The following DDC variants were observed in gnomAD, a reference collection of about 807,000 sequenced individuals.
DDC encodes the protein aromatic-L-amino-acid decarboxylase.
In DDC, 43 loss-of-function variants were observed where a neutral mutation model predicts 60.0. The ratio of observed to expected loss-of-function variants is 0.72; its 90% CI spans 0.56 to 0.92. DDC has a LOEUF of 0.92. DDC is among the 40% of genes least tolerant of loss of function. The pLI is 0.00. For missense variants in DDC, 573 were observed against 620.2 expected (o/e 0.92, Z 0.81); for synonymous variants, 232 against 234.6 (o/e 0.99, Z 0.10).
At chr7:50,466,493 G>GAAAAAAAA (rs57396757) in intron 13 of DDC, among the ~76,000 whole-genome samples, 1 of 64,082 alleles carries the variant, frequency 1.6e-5, no homozygotes, top group African/African-American at 4.5e-5. Context: ...TCTCCAAAAA[G>GAAAAAAAA]AAAAAAAAAA....
chr7:50,491,350 AT>A (rs148236338), intron 9 of DDC, among the ~76,000 whole-genome samples: 11,960 of 151,614 alleles, frequency 0.079, 621 homozygotes, highest in South Asian at 0.14. Context: ...TCCTCCACCT[AT>A]TTTTTTCCTT....
intron 6 of DDC, among the ~76,000 whole-genome samples, chr7:50,509,089 C>T (rs939181004): frequency 3.3e-5 from 5 of 152,064 alleles, no homozygotes; most frequent in Non-Finnish European, 5.9e-5. Flanking sequence ...CATCAAATGG[C>T]GTGGAGATGG....
At chr7:50,545,145 T>C (rs993273682) in intron 1 of DDC, among the ~76,000 whole-genome samples, 6 of 152,232 alleles carry the variant, frequency 3.9e-5, no homozygotes, top group African/African-American at 1.4e-4. Flanking sequence ...GTTTACATTA[T>C]GAGAGCTGAC....
chr7:50,519,441 T>C (rs538197701), intron 6 of DDC, among the ~76,000 whole-genome samples: 5 of 152,220 alleles, frequency 3.3e-5, no homozygotes, highest in Admixed American at 1.3e-4. Context: ...TACTTGCACA[T>C]GCATGTTTAA....
intron 5 of DDC, 98 bp downstream of exon 5, chr7:50,529,110 T>C (rs1158328488): frequency 6.6e-7 from 1 of 1,523,366 alleles, no homozygotes; most frequent in African/African-American, 1.4e-5. Flanking sequence ...GAACTGTTCT[T>C]AGATTTGGAA....
At chr7:50,489,131 A>G (rs73119245) in intron 9 of DDC, among the ~76,000 whole-genome samples, 14,434 of 152,070 alleles carry the variant, frequency 0.095, 1,059 homozygotes, top group South Asian at 0.12. Flanking sequence ...CTCAGCCTCC[A>G]GGATAGCTGG....
chr7:50,465,816 A>G (rs1011835675), intron 13 of DDC, among the ~76,000 whole-genome samples: 7 of 152,282 alleles, frequency 4.6e-5, no homozygotes, highest in African/African-American at 1.7e-4. Context: ...AATAAGCACG[A>G]TGCCAACACT....
chr7:50,474,525 C>T (rs1055481379), intron 11 of DDC, among the ~76,000 whole-genome samples: 7 of 152,080 alleles, frequency 4.6e-5, no homozygotes, highest in African/African-American at 1.4e-4. Context: ...GTCCTGCAGG[C>T]GGGTGCCAGT....
chr7:50,501,717 A>G (rs17133853), intron 7 of DDC, among the ~76,000 whole-genome samples: 18,210 of 152,190 alleles, frequency 0.12, 1,272 homozygotes, highest in African/African-American at 0.2. Flanking sequence ...AAAGTAGGTA[A>G]AAGGGTGCTG....
At chr7:50,509,186 G>A (rs1172032761) in intron 6 of DDC, among the ~76,000 whole-genome samples, 4 of 151,874 alleles carry the variant, frequency 2.6e-5, no homozygotes, top group East Asian at 1.9e-4. Flanking sequence ...GTACGGTGCC[G>A]GTGCATGGGG....
chr7:50,510,917 T>C (rs1225761344), intron 6 of DDC, among the ~76,000 whole-genome samples: 2 of 140,782 alleles, frequency 1.4e-5, no homozygotes, highest in East Asian at 2.1e-4. Context: ...GGAGGTGGAG[T>C]TTGCAGTGAG....
intron 10 of DDC, chr7:50,477,458 G>A (rs560361110): frequency 6.0e-5 from 27 of 447,926 alleles, no homozygotes; most frequent in Non-Finnish European, 1.0e-4. Context: ...CCCTACTTCC[G>A]CAGTCAACAG....
intron 6 of DDC, among the ~76,000 whole-genome samples, chr7:50,506,025 A>G (rs1026241433): frequency 6.6e-6 from 1 of 152,202 alleles, no homozygotes; most frequent in African/African-American, 2.4e-5. Context: ...TGGGGGAAAA[A>G]CAGCGGCAAG....
chr7:50,486,532 C>T (rs2042883159), intron 9 of DDC, among the ~76,000 whole-genome samples: 1 of 152,078 alleles, frequency 6.6e-6, no homozygotes, highest in Admixed American at 6.6e-5. Flanking sequence ...TGGTTTAAAT[C>T]CTTAGATATG....
chr7:50,534,625 T>C (rs1441816736), intron 4 of DDC, among the ~76,000 whole-genome samples: 1 of 142,658 alleles, frequency 7.0e-6, no homozygotes, highest in Admixed American at 6.9e-5. Context: ...AAAAAAAAAA[T>C]GAGAGGAACA....
chr7:50,539,790 A>G (rs1161195142), intron 3 of DDC, 125 bp downstream of exon 3: 1 of 724,460 alleles, frequency 1.4e-6, no homozygotes, highest in East Asian at 2.7e-5. Context: ...TCCCTGCAAC[A>G]GTAGCCCGTC....
At chr7:50,503,075 C>T (rs981923776) in intron 7 of DDC, among the ~76,000 whole-genome samples, 2 of 152,216 alleles carry the variant, frequency 1.3e-5, no homozygotes, top group African/African-American at 4.8e-5. Flanking sequence ...CTATGGGTGA[C>T]TCTTGGGTTA....
intron 11 of DDC, among the ~76,000 whole-genome samples, chr7:50,470,400 G>A (rs1227670187): frequency 6.6e-6 from 1 of 152,216 alleles, no homozygotes; most frequent in African/African-American, 2.4e-5. Context: ...GTTGACCTGG[G>A]AGCCAGTGAT....
intron 6 of DDC, among the ~76,000 whole-genome samples, chr7:50,510,668 C>CA (rs71018473): frequency 0.13 from 12,629 of 99,580 alleles, 898 homozygotes; most frequent in Admixed American, 0.23. Flanking sequence ...GACTCCATCT[C>CA]AAAAAAAAAA....
Sources: allele counts gnomAD v4.1 joint callset (sites outside exome capture counted in the v4.1 genomes callset), GRCh38; gene constraint gnomAD v4.1.1; transcripts MANE v1.5; gene names NCBI Gene and HGNC (gene_info 2026-07-23, HGNC 2026-07-21).